The following SGIP1 variants were observed in gnomAD, a reference collection of about 807,000 sequenced individuals.
SGIP1 encodes the protein SH3-containing GRB2-like protein 3-interacting protein 1.
A neutral mutation model predicts 107.5 loss-of-function variants in SGIP1; 38 were observed. That is an observed-to-expected ratio of 0.35 (90% CI 0.27 to 0.46). The LOEUF (loss-of-function observed/expected upper bound fraction) is 0.46. Among genes scored for constraint, SGIP1 ranks in the 20% least tolerant of loss-of-function variants. The pLI, the probability that SGIP1 is intolerant of heterozygous loss-of-function variation, is 1.00. For synonymous variants in SGIP1, 365 were observed against 366.1 expected, an observed-to-expected ratio of 1.00 and a Z score of 0.03; for missense variants, 929 against 1,019.5, an observed-to-expected ratio of 0.91 and a Z score of 1.21.
chr1:66,534,265 C>T lies in SGIP1; in HGVS notation c.-94C>T, dbSNP rs370042376. The T allele has an allele frequency of 1.2e-4, 167 of 1,338,378 alleles. No individual in the cohort carries two copies. The African/African-American group carries it at 2.3e-3, about 18-fold the overall frequency. 82.9% of individuals were successfully genotyped at this position (1,338,378 alleles called of 1,614,324 possible). A position where few individuals can be genotyped will look rare whatever the true frequency, so the allele number is the denominator to read the frequency against. ...TGACAGCGGACGGAATAGACCTCAG[C>T]AGCGGCGTGGTGAGGACTTAGCTGG... On this transcript the variant is annotated 5_prime_UTR_variant, in exon 1 of 25. Transcript: ENST00000371037.
At chr1:66,737,914 C>T (rs1215220132) in intron 21 of SGIP1, among the ~76,000 whole-genome samples, 1 of 151,996 alleles carries the variant, frequency 6.6e-6, no homozygotes, top group African/African-American at 2.4e-5. Flanking sequence ...GTTTCTGGCC[C>T]GATAGCATCC....
chr1:66,687,941 G>C (rs142130467), intron 15 of SGIP1, among the ~76,000 whole-genome samples: 3 of 152,170 alleles, frequency 2.0e-5, no homozygotes, highest in Admixed American at 6.5e-5. Flanking sequence ...GAGGAGCAAG[G>C]TTTAATCCCC....
At chr1:66,684,274 T>TAA in intron 15 of SGIP1, 2 of 1,536,870 alleles carry the variant, frequency 1.3e-6, no homozygotes, top group Admixed American at 2.0e-5. Context: ...CCAAACTTAT[T>TAA]TGACTACTGA....
In SGIP1 at chr1:66,639,757, C is replaced by G. The variant is rs1459869564; in HGVS notation, c.172-20C>G. ...TATTCAAATGTTTTCCTTCTAAATT[C>G]ATTTTCAAATTTATTACAGAAGAAA... On this transcript the variant is annotated intron_variant, in intron 4 of 24. Transcript: ENST00000371037. The G allele has an allele frequency of 6.3e-7, 1 of 1,592,826 alleles. No individual in the cohort carries two copies. Among genetic ancestry groups the G allele is most frequent in the Admixed American group, 1.7e-5 (1 of 58,826 alleles).
Position 66,643,691 on chromosome 1 carries a change from G to A in SGIP1, c.431G>A (p.Gly144Asp). The A allele has an allele frequency of 6.2e-7, 1 of 1,610,436 alleles. No homozygotes were observed. The highest frequency in any genetic ancestry group is 8.5e-7 in the Non-Finnish European group (1 of 1,178,806). ...ATVDELKASI[G>D]NIALSPSPVR... ...GTAGATGAATTGAAGGCATCAATAG[G>A]CAACATCGCACTTTCCCCATCACCA... The change falls in exon 7 of 25, where the codon GGC becomes GAC. Residue 144 changes from glycine to aspartate, a missense_variant. Transcript: ENST00000371037.
intron 1 of SGIP1, among the ~76,000 whole-genome samples, chr1:66,562,909 T>C (rs1419270434): frequency 6.6e-6 from 1 of 152,038 alleles, no homozygotes; most frequent in East Asian, 1.9e-4. Context: ...TTTTTAAGAA[T>C]AGAAATGTTT....
intron 8 of SGIP1, among the ~76,000 whole-genome samples, chr1:66,661,230 T>A (rs2149719069): frequency 6.6e-6 from 1 of 152,318 alleles, no homozygotes; most frequent in African/African-American, 2.4e-5. Flanking sequence ...GGGAACATGT[T>A]CTCAGGATGC....
intron 19 of SGIP1, among the ~76,000 whole-genome samples, chr1:66,722,884 C>T (rs1399529874): frequency 6.6e-6 from 1 of 152,080 alleles, no homozygotes; most frequent in African/African-American, 2.4e-5. Flanking sequence ...GGCACTTGAG[C>T]CAAATTAATA....
chr1:66,577,541 G>T (rs1204492604), intron 1 of SGIP1, among the ~76,000 whole-genome samples: 1 of 152,154 alleles, frequency 6.6e-6, no homozygotes, highest in Non-Finnish European at 1.5e-5. Flanking sequence ...AAAGAGGAAA[G>T]AGGTTCATGG....
intron 14 of SGIP1, among the ~76,000 whole-genome samples, chr1:66,680,652 C>T (rs1257230969): frequency 2.0e-5 from 3 of 152,172 alleles, no homozygotes; most frequent in Non-Finnish European, 4.4e-5. Flanking sequence ...GACATTTTGG[C>T]CCCTTTTATT....
chr1:66,582,259 C>T (rs1190136626), intron 1 of SGIP1, among the ~76,000 whole-genome samples: 1 of 152,074 alleles, frequency 6.6e-6, no homozygotes, highest in Non-Finnish European at 1.5e-5. Flanking sequence ...TAATGTAAAA[C>T]ATTATTTGTA....
chr1:66,554,741 A>G (rs2057937893), intron 1 of SGIP1, among the ~76,000 whole-genome samples: 1 of 152,136 alleles, frequency 6.6e-6, no homozygotes, highest in Admixed American at 6.5e-5. Context: ...AAAATCTGAA[A>G]AAATTCAGAA....
chr1:66,729,390 C>A lies in SGIP1; in HGVS notation c.1869C>A (p.His623Gln). 6.2e-7 allele frequency: 1 copy of A among 1,614,138 alleles called. No homozygotes were observed. Among genetic ancestry groups the A allele is most frequent in the South Asian group, 1.1e-5 (1 of 91,082 alleles). Residue 623 changes from histidine (H) to glutamine (Q), a missense_variant, in exon 20 of 25, where the codon CAC (histidine) becomes CAA (glutamine). This residue lies in a region of SGIP1 where 341 missense variants were observed against 430.9 expected (regional missense o/e 0.79). Transcript: ENST00000371037. Reference sequence around the variant, plus strand: ...TGATAAATTTCAGCAGGTTAGAACACGTCCTGCCAAACCCCCAACTTCTCT... The same window carrying A: ...TGATAAATTTCAGCAGGTTAGAACAAGTCCTGCCAAACCCCCAACTTCTCT... ...FRVINFSRLE[H>Q]VLPNPQLLCC...
At chr1:66,556,421 C>G (rs1364893511) in intron 1 of SGIP1, among the ~76,000 whole-genome samples, 1 of 152,106 alleles carries the variant, frequency 6.6e-6, no homozygotes, top group Non-Finnish European at 1.5e-5. Context: ...CACTGCAAGC[C>G]TCTGATCAGC....
At chr1:66,733,280 TG>T (rs1279952141) in intron 20 of SGIP1, among the ~76,000 whole-genome samples, 4 of 152,210 alleles carry the variant, frequency 2.6e-5, no homozygotes, top group Non-Finnish European at 5.9e-5. Flanking sequence ...GCTTAGTTGG[TG>T]ATAAAGACCA....
chr1:66,714,766 T>C (rs1446621125), intron 18 of SGIP1, among the ~76,000 whole-genome samples: 1 of 152,130 alleles, frequency 6.6e-6, no homozygotes, highest in Non-Finnish European at 1.5e-5. Flanking sequence ...AGCTCTTAAC[T>C]TGCAGATCTA....
intron 7 of SGIP1, among the ~76,000 whole-genome samples, chr1:66,649,108 G>A (rs2078220771): frequency 6.6e-6 from 1 of 152,150 alleles, no homozygotes; most frequent in South Asian, 2.1e-4. Flanking sequence ...ACAGCATACT[G>A]TGTTTTCATG....
chr1:66,593,210 G>A (rs2063986448), intron 1 of SGIP1, among the ~76,000 whole-genome samples: 1 of 152,010 alleles, frequency 6.6e-6, no homozygotes, highest in Non-Finnish European at 1.5e-5. Flanking sequence ...GGACATCATG[G>A]TTGTTTCCAA....
At chr1:66,722,848 C>T (rs1285944749) in intron 19 of SGIP1, among the ~76,000 whole-genome samples, 1 of 152,156 alleles carries the variant, frequency 6.6e-6, no homozygotes, top group African/African-American at 2.4e-5. Context: ...AGCTTGATGT[C>T]TGCGGCCTTG....
Sources: gnomAD v4.1 joint callset for allele counts (sites outside exome capture counted in the v4.1 genomes callset) on GRCh38, gnomAD v4.1.1 for gene constraint, gnomAD v4.1.1 regional missense constraint, MANE v1.5 for transcripts, NCBI Gene and HGNC (gene_info 2026-07-23, HGNC 2026-07-21) for gene names.